Variants in PLXNA4 observed in about 807,000 individuals in gnomAD.
PLXNA4 encodes plexin A4.
A neutral mutation model predicts 191.8 loss-of-function variants in PLXNA4; 44 were observed. That is an observed-to-expected ratio of 0.23 (90% CI 0.18 to 0.29). The LOEUF (loss-of-function observed/expected upper bound fraction) is 0.29, where lower values mean the gene tolerates loss of function less well. PLXNA4 is among the 10% of genes least tolerant of loss of function. PLXNA4 has a pLI of 1.00. For synonymous variants in PLXNA4, 1,082 were observed against 1,009.5 expected (o/e 1.07, Z -1.36); for missense variants, 1,800 against 2,488.8 (o/e 0.72, Z 5.89).
At position 132,164,073 on chromosome 7, in the gene PLXNA4, C is replaced by A. The variant is rs116794125; in HGVS notation, c.4500+69G>T. 3,694 of 1,596,414 alleles carry A rather than the reference C, an allele frequency of 2.3e-3. 74 individuals are homozygous for A. In the African/African-American group the frequency reaches 0.044, roughly 19 times the overall value. On this transcript the variant is annotated intron_variant, in intron 24 of 31. Coordinates refer to ENST00000321063, the MANE Select transcript of PLXNA4 (RefSeq NM_020911.2). ...TTCAGCCTTTCAGCCATCTCCACTG[C>A]TGAGCAGGGCTACCCAGGATGGAAG...
In PLXNA4 at chr7:132,489,162, G is replaced by C. The variant is rs77446756; in HGVS notation, c.1371+130C>G. 2.9e-4 allele frequency: 267 copies of C among 922,772 alleles called. No homozygotes were observed. The East Asian group carries it at 6.4e-3, about 22-fold the overall frequency. 57.2% of individuals were successfully genotyped at this position (922,772 alleles called of 1,614,324 possible). ...TGATCATCATGACCTCAACAGCAGCGTATCTCCTTAGCTCAAATCTGTATC... is the reference window on the plus strand; with the variant it reads ...TGATCATCATGACCTCAACAGCAGCCTATCTCCTTAGCTCAAATCTGTATC... On this transcript the variant is annotated intron_variant, in intron 3 of 31. Coordinates refer to ENST00000321063, the MANE Select transcript of PLXNA4 (RefSeq NM_020911.2).
intron 2 of PLXNA4, among the ~76,000 whole-genome samples, chr7:132,638,453 A>T (rs1190915907): frequency 6.6e-6 from 1 of 152,154 alleles, no homozygotes; most frequent in African/African-American, 2.4e-5. Flanking sequence ...GGAGTTCGAG[A>T]CCAGCCTGGC....
At chr7:132,276,989 A>G (rs1009922477) in intron 4 of PLXNA4, among the ~76,000 whole-genome samples, 2 of 152,188 alleles carry the variant, frequency 1.3e-5, no homozygotes, top group East Asian at 3.9e-4. Flanking sequence ...TACTCCTGTC[A>G]CATAAAATTA....
At position 132,182,193 on chromosome 7, in the gene PLXNA4, G is replaced by A. The variant is rs1291083341; in HGVS notation, c.3159-3C>T. ...ATACGGCGATGGGTGTGTTTCCACT[G>A]AGCAGGAAGAAAGAAGGAGATGTGT... On this transcript the variant is annotated splice_polypyrimidine_tract_variant and splice_region_variant and intron_variant, in intron 16 of 31. Coordinates refer to ENST00000321063, the MANE Select transcript of PLXNA4 (RefSeq NM_020911.2). 1.2e-6 allele frequency: 2 copies of A among 1,613,888 alleles called. No homozygotes were observed. The highest frequency in any genetic ancestry group is 2.2e-5 in the East Asian group (1 of 44,892).
intron 4 of PLXNA4, among the ~76,000 whole-genome samples, chr7:132,271,454 T>G (rs1222567123): frequency 7.1e-6 from 1 of 139,890 alleles, no homozygotes; most frequent in African/African-American, 2.7e-5. Flanking sequence ...AAAAGAAACA[T>G]ACCTGACAAT....
chr7:132,412,873 G>A (rs1185227347), intron 3 of PLXNA4, among the ~76,000 whole-genome samples: 4 of 152,122 alleles, frequency 2.6e-5, no homozygotes, highest in East Asian at 1.9e-4. Flanking sequence ...TGCAGGACAC[G>A]CTGGCCAAGC....
At chr7:132,427,502 T>C (rs1399112734) in intron 3 of PLXNA4, among the ~76,000 whole-genome samples, 1 of 152,160 alleles carries the variant, frequency 6.6e-6, no homozygotes, top group Non-Finnish European at 1.5e-5. Flanking sequence ...CATAAACTCA[T>C]GGGTGACAAT....
At chr7:132,374,702 A>G (rs1423305715) in intron 3 of PLXNA4, among the ~76,000 whole-genome samples, 2 of 152,240 alleles carry the variant, frequency 1.3e-5, no homozygotes, top group Non-Finnish European at 1.5e-5. Context: ...CTGTTTTGCC[A>G]GCTTTGCCCC....
chr7:132,511,874 T>C (rs1305769345), intron 1 of PLXNA4, among the ~76,000 whole-genome samples: 1 of 152,214 alleles, frequency 6.6e-6, no homozygotes, highest in African/African-American at 2.4e-5. Context: ...TCCCTGATTT[T>C]AGAGACAAGG....
chr7:132,393,116 C>T (rs1057251905), intron 3 of PLXNA4, among the ~76,000 whole-genome samples: 9 of 151,272 alleles, frequency 5.9e-5, no homozygotes, highest in Admixed American at 2.6e-4. Flanking sequence ...TCATCCTTTT[C>T]GCTGGAAATG....
At chr7:132,480,478 G>A (rs531313753) in intron 3 of PLXNA4, among the ~76,000 whole-genome samples, 59 of 152,296 alleles carry the variant, frequency 3.9e-4, no homozygotes, top group African/African-American at 1.2e-3. Context: ...TGGATAACCC[G>A]TCACAGGAAA....
At chr7:132,181,292 A>G in intron 18 of PLXNA4, 89 bp downstream of exon 18, 1 of 1,574,356 alleles carries the variant, frequency 6.4e-7, no homozygotes, top group Non-Finnish European at 8.6e-7. Flanking sequence ...CTGGTTGAGA[A>G]ATGTGGCAGG....
intron 3 of PLXNA4, among the ~76,000 whole-genome samples, chr7:132,362,372 T>C (rs911647189): frequency 3.2e-4 from 48 of 152,322 alleles, no homozygotes; most frequent in African/African-American, 1.0e-3. Flanking sequence ...TTGGTGTAAC[T>C]AGCCCCCTTG....
At chr7:132,178,350 C>T (rs532353984) in intron 20 of PLXNA4, among the ~76,000 whole-genome samples, 2 of 152,260 alleles carry the variant, frequency 1.3e-5, no homozygotes, top group South Asian at 4.1e-4. Flanking sequence ...GTGGGAGCTC[C>T]CCTCGGCTGC....
At chr7:132,172,273 G>T (rs1269823802) in intron 21 of PLXNA4, among the ~76,000 whole-genome samples, 1 of 152,218 alleles carries the variant, frequency 6.6e-6, no homozygotes, top group South Asian at 2.1e-4. Flanking sequence ...GAGTTTAGGA[G>T]CCAATGATAG....
At chr7:132,419,912 C>A (rs748875325) in intron 3 of PLXNA4, among the ~76,000 whole-genome samples, 2 of 152,104 alleles carry the variant, frequency 1.3e-5, no homozygotes, top group African/African-American at 2.4e-5. Flanking sequence ...TATGACATAG[C>A]CTTCTTTTTT....
chr7:132,445,729 G>A (rs1795883596), intron 3 of PLXNA4, among the ~76,000 whole-genome samples: 1 of 152,130 alleles, frequency 6.6e-6, no homozygotes, highest in Admixed American at 6.5e-5. Flanking sequence ...CAAAAAAGCA[G>A]TCCTAGAAAT....
chr7:132,358,928 A>C (rs1803819182), intron 3 of PLXNA4, among the ~76,000 whole-genome samples: 1 of 152,184 alleles, frequency 6.6e-6, no homozygotes, highest in Non-Finnish European at 1.5e-5. Context: ...CATAAGGGGC[A>C]CTTGATTTTA....
chr7:132,463,619 T>C (rs1796596734), intron 3 of PLXNA4, among the ~76,000 whole-genome samples: 1 of 152,234 alleles, frequency 6.6e-6, no homozygotes, highest in African/African-American at 2.4e-5. Context: ...CCCTTCCTTC[T>C]GGAAGTTAGG....
Sources: allele counts gnomAD v4.1 joint callset (sites outside exome capture counted in the v4.1 genomes callset), GRCh38; gene constraint gnomAD v4.1.1; transcripts MANE v1.5; gene names NCBI Gene and HGNC (gene_info 2026-07-23, HGNC 2026-07-21).